CRACD: variants seen among roughly 807,000 people sequenced by gnomAD.
The protein encoded by CRACD is capping protein inhibiting regulator of actin dynamics.
CRACD carries 56 observed loss-of-function variants against 106.8 expected under a neutral mutation model. The ratio of observed to expected loss-of-function variants is 0.52; its 90% confidence interval spans 0.42 to 0.66. The LOEUF is 0.66. CRACD is among the 30% of genes least tolerant of loss of function. The pLI is 0.00. For synonymous variants in CRACD, 754 were observed against 670.8 expected (o/e 1.12, Z -1.92); for missense variants, 1,730 against 1,623.2 (o/e 1.07, Z -1.13).
intron 5 of CRACD, 76 bp from the exon 6 acceptor site, chr4:56,310,590 G>T: frequency 9.5e-7 from 1 of 1,047,244 alleles, no homozygotes; most frequent in South Asian, 1.3e-5. Context: ...CCCTACCCAG[G>T]CACAGACAGT....
intron 3 of CRACD, among the ~76,000 whole-genome samples, chr4:56,291,193 C>T (rs1245781422): frequency 6.6e-6 from 1 of 152,144 alleles, no homozygotes; most frequent in Non-Finnish European, 1.5e-5. Context: ...GGGAAAGTTG[C>T]AGCATTGAAG....
At chr4:56,102,843 C>T (rs1245263811) in intron 1 of CRACD, among the ~76,000 whole-genome samples, 6 of 152,216 alleles carry the variant, frequency 3.9e-5, no homozygotes, top group African/African-American at 7.2e-5. Flanking sequence ...CAGGCACTGA[C>T]GTTCTCTCTG....
At chr4:56,309,150 G>A (rs9996593) in intron 5 of CRACD, 253,526 of 390,844 alleles carry the variant, frequency 0.65, 86,635 homozygotes, top group Middle Eastern at 0.78. Context: ...ATTTGGGTGA[G>A]GAGTGTAGCA....
chr4:56,156,291 C>T (rs1343713880), intron 1 of CRACD, among the ~76,000 whole-genome samples: 1 of 152,206 alleles, frequency 6.6e-6, no homozygotes, highest in Admixed American at 6.5e-5. Context: ...GTCCCACTCA[C>T]TGTCTTCAAG....
intron 4 of CRACD, chr4:56,301,149 G>A: frequency 7.9e-6 from 8 of 1,006,442 alleles, no homozygotes; most frequent in Non-Finnish European, 9.4e-6. Context: ...CATTATCATA[G>A]AAAATGTGAT....
At chr4:56,133,867 A>G (rs1734906345) in intron 1 of CRACD, among the ~76,000 whole-genome samples, 1 of 152,190 alleles carries the variant, frequency 6.6e-6, no homozygotes, top group Admixed American at 6.5e-5. Context: ...CTAGAAAATG[A>G]TTAATCAGGG....
chr4:56,164,350 G>A (rs1231783371), intron 1 of CRACD, among the ~76,000 whole-genome samples: 1 of 151,794 alleles, frequency 6.6e-6, no homozygotes, highest in African/African-American at 2.4e-5. Context: ...TAGCCAGGAT[G>A]GTCTCAATCT....
At chr4:56,092,254 G>T (rs1433874901) in intron 1 of CRACD, among the ~76,000 whole-genome samples, 1 of 152,180 alleles carries the variant, frequency 6.6e-6, no homozygotes, top group Non-Finnish European at 1.5e-5. Context: ...AAGGTGCATG[G>T]TGCTTCCAGG....
chr4:56,070,340 C>T (rs1732597544), intron 1 of CRACD, among the ~76,000 whole-genome samples: 1 of 149,618 alleles, frequency 6.7e-6, no homozygotes, highest in Non-Finnish European at 1.5e-5. Flanking sequence ...CGCTCTGTCG[C>T]CCTGGCTGGA....
intron 2 of CRACD, among the ~76,000 whole-genome samples, chr4:56,244,551 T>G (rs1740569476): frequency 6.6e-6 from 1 of 152,344 alleles, no homozygotes; most frequent in East Asian, 1.9e-4. Flanking sequence ...AGCTAGTATA[T>G]GTCAGGGTGG....
intron 1 of CRACD, among the ~76,000 whole-genome samples, chr4:56,106,561 C>T (rs1458354626): frequency 6.6e-6 from 1 of 152,138 alleles, no homozygotes; most frequent in East Asian, 1.9e-4. Context: ...TCAGTGTTAG[C>T]TATGTGGAAT....
chr4:56,248,271 A>G (rs1740814408), intron 2 of CRACD, among the ~76,000 whole-genome samples: 1 of 152,196 alleles, frequency 6.6e-6, no homozygotes, highest in Non-Finnish European at 1.5e-5. Flanking sequence ...GTCAGAGCTG[A>G]CATCTTACTA....
intron 2 of CRACD, among the ~76,000 whole-genome samples, chr4:56,243,375 G>A (rs1008066940): frequency 2.0e-5 from 3 of 152,192 alleles, no homozygotes; most frequent in Non-Finnish European, 2.9e-5. Context: ...AATAGAAAGA[G>A]TTGCAGCATC....
At chr4:56,310,417 C>T (rs533365597) in intron 5 of CRACD, among the ~76,000 whole-genome samples, 2 of 152,298 alleles carry the variant, frequency 1.3e-5, no homozygotes, top group Admixed American at 1.3e-4. Context: ...ATGACCGAGA[C>T]TGGGGACTAC....
intron 1 of CRACD, among the ~76,000 whole-genome samples, chr4:56,116,088 T>C (rs1163672992): frequency 6.6e-6 from 1 of 152,242 alleles, no homozygotes; most frequent in Non-Finnish European, 1.5e-5. Flanking sequence ...CTCTGCGTAG[T>C]GCAGAAGGTG....
At chr4:56,280,600 G>A (rs1206859163) in intron 3 of CRACD, among the ~76,000 whole-genome samples, 2 of 152,028 alleles carry the variant, frequency 1.3e-5, no homozygotes, top group Non-Finnish European at 2.9e-5. Flanking sequence ...CGCTGGGCCC[G>A]GCACATAGCA....
At chr4:56,072,658 A>G (rs927606446) in intron 1 of CRACD, among the ~76,000 whole-genome samples, 9 of 151,796 alleles carry the variant, frequency 5.9e-5, no homozygotes, top group African/African-American at 2.2e-4. Context: ...CAGAACGTCC[A>G]GGTTTGTTAC....
chr4:56,152,556 C>T (rs1033573659), intron 1 of CRACD, among the ~76,000 whole-genome samples: 2 of 151,920 alleles, frequency 1.3e-5, no homozygotes, highest in Admixed American at 1.3e-4. Flanking sequence ...GGGAGAATCT[C>T]TCTTTCTCTC....
intron 1 of CRACD, among the ~76,000 whole-genome samples, chr4:56,146,203 A>G (rs62308642): frequency 0.066 from 9,974 of 152,086 alleles, 413 homozygotes; most frequent in Non-Finnish European, 0.089. Context: ...AATTCATTAG[A>G]CTTTGCTTAA....
Sources: allele counts gnomAD v4.1 joint callset (sites outside exome capture counted in the v4.1 genomes callset), GRCh38; gene constraint gnomAD v4.1.1; transcripts MANE v1.5; gene names NCBI Gene and HGNC (gene_info 2026-07-23, HGNC 2026-07-21).